ZBBX: variants seen among roughly 807,000 people sequenced by gnomAD.
ZBBX encodes zinc finger B-box domain containing, also known as zinc finger B-box domain-containing protein 1.
A neutral mutation model predicts 108.5 loss-of-function variants in ZBBX; 101 were observed. The observed-to-expected ratio is 0.93, with a 90% confidence interval of 0.79 to 1.10. The LOEUF (loss-of-function observed/expected upper bound fraction) is 1.10. Among genes scored for constraint, ZBBX ranks in the 50% least tolerant of loss-of-function variants. ZBBX has a pLI of 0.00. For synonymous variants in ZBBX, 356 were observed against 323.4 expected, an observed-to-expected ratio of 1.10 and a Z score of -1.08; for missense variants, 1,009 against 941.4, an observed-to-expected ratio of 1.07 and a Z score of -0.94.
chr3:167,259,092 C>T (rs1221525619), intron 20 of ZBBX, among the ~76,000 whole-genome samples: 9 of 136,338 alleles, frequency 6.6e-5, no homozygotes, highest in African/African-American at 1.3e-4. Flanking sequence ...GCTGTGAATC[C>T]GTCTGGTCAT....
At chr3:167,294,690 C>T (rs1457759704) in intron 18 of ZBBX, among the ~76,000 whole-genome samples, 1 of 152,094 alleles carries the variant, frequency 6.6e-6, no homozygotes, top group African/African-American at 2.4e-5. Flanking sequence ...CCAAAATAGA[C>T]AAATGGGATC....
chr3:167,288,798 G>A, intron 19 of ZBBX, 69 bp downstream of exon 19: 1 of 1,009,678 alleles, frequency 9.9e-7, no homozygotes, highest in Non-Finnish European at 1.4e-6. Context: ...CTACTAAACT[G>A]CTAAAAAAGC....
intron 21 of ZBBX, among the ~76,000 whole-genome samples, chr3:167,242,150 G>A (rs930445159): frequency 6.6e-6 from 1 of 152,082 alleles, no homozygotes; most frequent in Admixed American, 6.5e-5. Context: ...CATTGGGTAG[G>A]ATTCTATTAA....
the ZBBX span, among the ~76,000 whole-genome samples, chr3:167,178,450 G>C: frequency 6.6e-6 from 1 of 152,180 alleles, no homozygotes; most frequent in African/African-American, 2.4e-5. Context: ...CGCCATCTGT[G>C]ACAGCTTCGT....
At chr3:167,188,980 T>C in the ZBBX span, among the ~76,000 whole-genome samples, 1 of 152,198 alleles carries the variant, frequency 6.6e-6, no homozygotes, top group Non-Finnish European at 1.5e-5. Flanking sequence ...TTTCATACTT[T>C]ACCTATCTTA....
the ZBBX span, among the ~76,000 whole-genome samples, chr3:167,218,108 G>A: frequency 6.6e-6 from 1 of 152,064 alleles, no homozygotes; most frequent in African/African-American, 2.4e-5. Context: ...TCTTCTTGAA[G>A]TGAGAGGGTG....
chr3:167,190,311 A>G, the ZBBX span, among the ~76,000 whole-genome samples: 15 of 151,928 alleles, frequency 9.9e-5, no homozygotes, highest in East Asian at 2.9e-3. Context: ...AATAATCTCT[A>G]TGGAATTGTT....
In ZBBX at chr3:167,373,346, C is replaced by A. The variant is rs187381782; in HGVS notation, c.-50+360G>T. 3.2e-3 allele frequency among the ~76,000 whole-genome samples: 488 copies of A among 152,230 alleles called. 2 individuals are homozygous for A. The highest frequency in any genetic ancestry group is 0.011 in the African/African-American group (466 of 41,546). On this transcript the variant is annotated intron_variant, in intron 3 of 21. Transcript: ENST00000675490. ...GCAGGGTGTGAGGGAGTTACTGGAA[C>A]CAGTCTCCTGTGGAAACCTAGAAAT...
At chr3:167,213,924 C>G in the ZBBX span, among the ~76,000 whole-genome samples, 3 of 152,080 alleles carry the variant, frequency 2.0e-5, no homozygotes, top group Non-Finnish European at 4.4e-5. Context: ...AATCTTATAT[C>G]CAGCCAAACT....
At chr3:167,330,876 GAAGAAGAAGA>G (rs1738411120) in intron 10 of ZBBX, among the ~76,000 whole-genome samples, 1 of 113,260 alleles carries the variant, frequency 8.8e-6, no homozygotes, top group Non-Finnish European at 1.9e-5. Flanking sequence ...AGGAGGAGAA[GAAGAAGAAGA>G]AGAAGAAGAA....
the ZBBX span, among the ~76,000 whole-genome samples, chr3:167,188,904 T>C: frequency 1.3e-5 from 2 of 152,248 alleles, no homozygotes; most frequent in Middle Eastern, 3.4e-3. Context: ...TAAAAGAAGT[T>C]ATTGAGGAAA....
intron 19 of ZBBX, among the ~76,000 whole-genome samples, chr3:167,288,398 C>T (rs188029296): frequency 2.2e-3 from 334 of 152,148 alleles, no homozygotes; most frequent in Non-Finnish European, 8.7e-4. Context: ...TCAATGCATA[C>T]AGAATTATAT....
intron 20 of ZBBX, among the ~76,000 whole-genome samples, chr3:167,243,236 T>C (rs1720986810): frequency 6.6e-6 from 1 of 152,210 alleles, no homozygotes; most frequent in Admixed American, 6.5e-5. Context: ...TGTATCTTCA[T>C]ATAAACTACC....
At chr3:167,186,574 C>T in the ZBBX span, among the ~76,000 whole-genome samples, 1 of 152,078 alleles carries the variant, frequency 6.6e-6, no homozygotes, top group Admixed American at 6.5e-5. Context: ...GGTTTTACTC[C>T]CAAGGTACCT....
intron 20 of ZBBX, among the ~76,000 whole-genome samples, chr3:167,254,707 T>G (rs1576785762): frequency 1.3e-5 from 2 of 151,888 alleles, no homozygotes; most frequent in African/African-American, 2.4e-5. Context: ...AACAGAAAAT[T>G]TCTTTGAAAA....
chr3:167,187,468 G>C, the ZBBX span, among the ~76,000 whole-genome samples: 1 of 152,254 alleles, frequency 6.6e-6, no homozygotes, highest in South Asian at 2.1e-4. Flanking sequence ...GAATAATCCT[G>C]GCAAGTAGAG....
chr3:167,356,808 A>T (rs1743653738), intron 8 of ZBBX, among the ~76,000 whole-genome samples: 1 of 152,136 alleles, frequency 6.6e-6, no homozygotes, highest in African/African-American at 2.4e-5. Context: ...TAAACATATA[A>T]TCAATGATGA....
At chr3:167,189,271 G>A in the ZBBX span, among the ~76,000 whole-genome samples, 24 of 152,216 alleles carry the variant, frequency 1.6e-4, no homozygotes, top group African/African-American at 5.8e-4. Flanking sequence ...ATATATCCCT[G>A]TTATCTGAAC....
intron 20 of ZBBX, among the ~76,000 whole-genome samples, chr3:167,254,772 C>T (rs1375966106): frequency 1.3e-5 from 2 of 151,806 alleles, no homozygotes; most frequent in Admixed American, 6.6e-5. Context: ...AAAAAAAATG[C>T]TGAATTATTG....
Sources: gnomAD v4.1 joint callset for allele counts (sites outside exome capture counted in the v4.1 genomes callset) on GRCh38, gnomAD v4.1.1 for gene constraint, MANE v1.5 for transcripts, NCBI Gene and HGNC (gene_info 2026-07-23, HGNC 2026-07-21) for gene names.